Variants in MIPEP observed in about 807,000 individuals in gnomAD.
The protein encoded by MIPEP is mitochondrial intermediate peptidase.
Under a neutral mutation model 90.3 loss-of-function variants are expected in MIPEP, and 79 were observed. That is an observed-to-expected ratio of 0.87 (90% CI 0.73 to 1.05). MIPEP has a LOEUF of 1.05. MIPEP is among the 50% of genes least tolerant of loss of function. MIPEP has a pLI of 0.00. For missense variants in MIPEP, 940 were observed against 905.6 expected (o/e 1.04, Z -0.49); for synonymous variants, 334 against 315.8 (o/e 1.06, Z -0.61).
At chr13:23,741,958 A>G (rs1328012726) in intron 18 of MIPEP, among the ~76,000 whole-genome samples, 1 of 152,226 alleles carries the variant, frequency 6.6e-6, no homozygotes, top group Non-Finnish European at 1.5e-5. Context: ...TCAGTTAGGA[A>G]CAGTCTGGTG....
At chr13:23,760,044 T>C in intron 17 of MIPEP, 52 bp downstream of exon 17, 1 of 1,610,194 alleles carries the variant, frequency 6.2e-7, no homozygotes, top group Non-Finnish European at 8.5e-7. Flanking sequence ...TGTAATAGAG[T>C]GGGGAATTAC....
chr13:23,799,618 G>A (rs943980091), intron 16 of MIPEP, among the ~76,000 whole-genome samples: 1 of 152,190 alleles, frequency 6.6e-6, no homozygotes, highest in Non-Finnish European at 1.5e-5. Flanking sequence ...GAGCCACTGC[G>A]CCCGGCCTAG....
rs749145755 is a variant in MIPEP, at chr13:23,772,329, C to CA, written c.1849-12113dup. Among the ~76,000 whole-genome samples the CA allele has an allele frequency of 2.3e-3, 346 of 150,620 alleles. 1 individual carries two copies. Among genetic ancestry groups the CA allele is most frequent in the Non-Finnish European group, 3.4e-3 (230 of 67,654 alleles). ...AGCAATTTTTTTTTAACAACAACAA[C>CA]AAAAAAAACGGCTACAGTTGTGGCT... On this transcript the variant is annotated intron_variant, in intron 16 of 18. Transcript: ENST00000382172.
At chr13:23,887,319 C>T (rs989988078) in intron 1 of MIPEP, among the ~76,000 whole-genome samples, 1 of 152,194 alleles carries the variant, frequency 6.6e-6, no homozygotes, top group African/African-American at 2.4e-5. Context: ...ATTTAATATG[C>T]ACCTACTGCA....
intron 18 of MIPEP, among the ~76,000 whole-genome samples, chr13:23,740,531 C>T (rs1003885415): frequency 3.3e-5 from 5 of 152,056 alleles, no homozygotes; most frequent in East Asian, 3.8e-4. Context: ...TCAGTTCACC[C>T]GTTATTAAAA....
chr13:23,830,701 T>C (rs1245753009), intron 14 of MIPEP, among the ~76,000 whole-genome samples: 3 of 152,228 alleles, frequency 2.0e-5, no homozygotes, highest in Admixed American at 2.0e-4. Flanking sequence ...TTTCTTCCTT[T>C]ACATGGTATC....
intron 12 of MIPEP, among the ~76,000 whole-genome samples, chr13:23,838,090 T>G (rs1869135287): frequency 6.6e-6 from 1 of 152,132 alleles, no homozygotes; most frequent in Non-Finnish European, 1.5e-5. Context: ...TTATTCTGAG[T>G]CCCTACTATG....
At position 23,886,497 on chromosome 13, in the gene MIPEP, CA is replaced by C; in HGVS notation, c.198del (p.Phe66LeufsTer6). On this transcript the variant is annotated frameshift_variant, in exon 2 of 19. Coordinates refer to ENST00000382172, the MANE Select transcript of MIPEP (RefSeq NM_005932.4). LOFTEE classifies it high-confidence loss of function. The part of the protein sequence containing the change: ...LDLFGERRGL[F>X]GVPELSAPEG... ...TCTGGGGCACTCAGCTCAGGAACTC[CA>C]AAAAGACCCTTAGAACCAAAGAATA... 6.3e-7 allele frequency: 1 copy of C among 1,583,436 alleles called. No individual in the cohort carries two copies. The highest frequency in any genetic ancestry group is 8.6e-7 in the Non-Finnish European group (1 of 1,165,760).
intron 2 of MIPEP, 109 bp downstream of exon 2, chr13:23,886,224 T>G: frequency 1.1e-6 from 1 of 879,640 alleles, no homozygotes; most frequent in Admixed American, 4.1e-5. Context: ...TTTCAGACAT[T>G]TTTAACTTTA....
rs397977292 is a variant in MIPEP, at chr13:23,843,097, C to CAAAA, written c.1107-1613_1107-1610dup. Among the ~76,000 whole-genome samples, 150 of 53,512 alleles carry CAAAA rather than the reference C, an allele frequency of 2.8e-3. 4 individuals are homozygous for CAAAA. The highest frequency in any genetic ancestry group is 0.026 in the Middle Eastern group (2 of 76). 35.1% of individuals were successfully genotyped at this position (53,512 alleles called of 152,430 possible). A position where few individuals can be genotyped will look rare whatever the true frequency, so the allele number is the denominator to read the frequency against. ...GGCGACAGAGCAAGACTCTCCATCT[C>CAAAA]AAAAAAAAAAAAAAAAAAAAAAGGA... On this transcript the variant is annotated intron_variant, in intron 10 of 18. Transcript: ENST00000382172.
intron 4 of MIPEP, among the ~76,000 whole-genome samples, chr13:23,878,830 G>C (rs747506144): frequency 5.9e-5 from 9 of 152,072 alleles, no homozygotes; most frequent in Non-Finnish European, 1.2e-4. Context: ...ATCAATTATG[G>C]AACTTTGAGC....
intron 16 of MIPEP, among the ~76,000 whole-genome samples, chr13:23,770,747 G>A (rs1310698157): frequency 1.3e-5 from 2 of 152,152 alleles, no homozygotes; most frequent in African/African-American, 4.8e-5. Flanking sequence ...GATTATTTCA[G>A]TGGGAAGATT....
chr13:23,741,383 G>T (rs1025790973), intron 18 of MIPEP, among the ~76,000 whole-genome samples: 1 of 152,160 alleles, frequency 6.6e-6, no homozygotes, highest in African/African-American at 2.4e-5. Flanking sequence ...AATGTTCACT[G>T]ATGCACTATT....
At chr13:23,824,323 T>C (rs999023339) in intron 14 of MIPEP, among the ~76,000 whole-genome samples, 1 of 152,230 alleles carries the variant, frequency 6.6e-6, no homozygotes, top group African/African-American at 2.4e-5. Context: ...CTTTTTTACT[T>C]ATGACCATTG....
At chr13:23,796,115 A>T (rs752658086) in intron 16 of MIPEP, among the ~76,000 whole-genome samples, 2 of 152,096 alleles carry the variant, frequency 1.3e-5, no homozygotes, top group Admixed American at 1.3e-4. Flanking sequence ...TCGAACAAAG[A>T]AGCTCTTAAA....
intron 16 of MIPEP, among the ~76,000 whole-genome samples, chr13:23,790,937 A>C (rs1952891761): frequency 6.6e-6 from 1 of 152,156 alleles, no homozygotes; most frequent in Non-Finnish European, 1.5e-5. Flanking sequence ...GTTACAATCT[A>C]GGCCTTGCCA....
At chr13:23,855,355 T>TA (rs1181667654) in intron 10 of MIPEP, among the ~76,000 whole-genome samples, 1 of 152,278 alleles carries the variant, frequency 6.6e-6, no homozygotes, top group East Asian at 1.9e-4. Flanking sequence ...CTCCTGCTTC[T>TA]AAACAGGTTC....
Position 23,852,077 on chromosome 13 carries a change from A to C in MIPEP, c.1106+6783T>G, listed in dbSNP as rs139345840. Among the ~76,000 whole-genome samples the C allele has an allele frequency of 5.8e-4, 89 of 152,342 alleles. 2 individuals are homozygous for C. The East Asian group carries it at 0.016, about 28-fold the overall frequency. ...GTAGGACAAATGGCCTGGTCTCTTC[A>C]ACAACTGTTGCTGATAATATGACAA... is the stretch of plus-strand genomic sequence containing the variant. On this transcript the variant is annotated intron_variant, in intron 10 of 18. Transcript: ENST00000382172.
chr13:23,870,511 T>C (rs536528227), intron 5 of MIPEP, among the ~76,000 whole-genome samples: 8 of 152,220 alleles, frequency 5.3e-5, no homozygotes, highest in African/African-American at 9.6e-5. Flanking sequence ...ATTAACAACA[T>C]TGAAAAACAC....
Sources: gnomAD v4.1 joint callset for allele counts (sites outside exome capture counted in the v4.1 genomes callset) on GRCh38, gnomAD v4.1.1 for gene constraint, MANE v1.5 for transcripts, NCBI Gene and HGNC (gene_info 2026-07-23, HGNC 2026-07-21) for gene names.